The following NAT9 variants were observed in gnomAD, a reference collection of about 807,000 sequenced individuals.
NAT9 encodes the protein N-acetyltransferase 9, also known as alpha/beta-tubulin-N-acetyltransferase 9.
NAT9 carries 18 observed loss-of-function variants against 24.0 expected under a neutral mutation model. The observed-to-expected ratio is 0.75, with a 90% CI of 0.52 to 1.11. NAT9 has a LOEUF of 1.11. NAT9 is among the 50% of genes most tolerant of loss of function. The pLI is 0.00. For synonymous variants in NAT9, 104 were observed against 102.3 expected (o/e 1.02, Z -0.10); for missense variants, 254 against 258.6 (o/e 0.98, Z 0.12).
Position 74,772,215 on chromosome 17 carries a change from T to TA in NAT9, c.394+2dup. 2 of 1,614,218 alleles carry TA rather than the reference T, an allele frequency of 1.2e-6. No individual in the cohort carries two copies. The highest frequency in any genetic ancestry group is 2.2e-5 in the East Asian group (1 of 44,890). On this transcript the variant is annotated splice_region_variant and intron_variant, in intron 5 of 6. Transcript: ENST00000357814. ...CCCGCATTGTCTGCTCACACTTTCTTACCGTAAGACAGCATCGCGAGAACG... is the reference window on the plus strand; with the variant it reads ...CCCGCATTGTCTGCTCACACTTTCTTAACCGTAAGACAGCATCGCGAGAACG...
intron 3 of NAT9, 136 bp downstream of exon 3, chr17:74,773,440 C>T: frequency 1.4e-6 from 1 of 728,614 alleles, no homozygotes; most frequent in Non-Finnish European, 2.3e-6. Flanking sequence ...CATGAGAATA[C>T]AGGAGTTCCA....
intron 3 of NAT9, 185 bp from the exon 4 acceptor site, chr17:74,773,224 T>C: frequency 1.3e-6 from 1 of 748,658 alleles, no homozygotes; most frequent in Non-Finnish European, 2.1e-6. Flanking sequence ...AGAAAAAGCC[T>C]CTCCAACCAG....
intron 4 of NAT9, chr17:74,772,531 G>A: frequency 7.1e-7 from 1 of 1,411,418 alleles, no homozygotes; most frequent in Non-Finnish European, 9.2e-7. Context: ...TAGCCACTTG[G>A]GGGAAACTGA....
At chr17:74,774,049 C>T (rs569096970) in intron 2 of NAT9, 2 of 215,248 alleles carry the variant, frequency 9.3e-6, no homozygotes, top group African/African-American at 2.2e-5. Flanking sequence ...AACCCTCAAA[C>T]GGAAAACTAC....
chr17:74,773,892 T>C (rs2035588526), intron 2 of NAT9: 3 of 535,880 alleles, frequency 5.6e-6, no homozygotes, highest in Non-Finnish European at 1.0e-5. Flanking sequence ...GAGTCAGTTC[T>C]ATCTGTCCAA....
rs970765512 is a variant in NAT9, at chr17:74,771,848, C to A, written c.500G>T (p.Ser167Ile). The change falls in exon 7 of 7, where the codon AGC becomes ATC. Residue 167 changes from serine to isoleucine, a missense_variant. Transcript: ENST00000357814. ...QKLHFEQVAT[S>I]SVFQEVTLRL... is the part of the protein sequence containing the mutation. ...GAGGGTCACCTCCTGAAAAACACTGCTCGTAGCCACCTACGTGAGCCAGAG... is the reference window on the plus strand; with the variant it reads ...GAGGGTCACCTCCTGAAAAACACTGATCGTAGCCACCTACGTGAGCCAGAG... The A allele has an allele frequency of 6.2e-7, 1 of 1,614,238 alleles. No homozygotes were observed. Among genetic ancestry groups the A allele is most frequent in the Non-Finnish European group, 8.5e-7 (1 of 1,180,034 alleles).
In NAT9 at chr17:74,772,938, G is replaced by A; in HGVS notation, c.292C>T (p.Leu98=). The A allele has an allele frequency of 6.2e-7, 1 of 1,614,190 alleles. No homozygotes were observed. Among genetic ancestry groups the A allele is most frequent in the Non-Finnish European group, 8.5e-7 (1 of 1,180,032 alleles). ...VGDVNLFLTD[L]EDLTLGEIEV... The stretch of plus-strand genomic sequence containing the variant: ...ATCTCCCCCAAGGTGAGGTCTTCTA[G>A]ATCTGTGAGGAAGAGGTTCACATCT... The change falls in exon 4 of 7, where the codon CTA becomes TTA. Residue 98 remains leucine, a synonymous_variant. Coordinates refer to ENST00000357814, the MANE Select transcript of NAT9 (RefSeq NM_015654.5).
At position 74,770,986 on chromosome 17, in the gene NAT9, TGAC is replaced by T. The variant is rs2035147595; in HGVS notation, c.*735_*737del. The T allele has an allele frequency of 1.3e-5, 2 of 152,532 alleles. No homozygotes were observed. Among genetic ancestry groups the T allele is most frequent in the African/African-American group, 4.8e-5 (2 of 41,572 alleles). 9.4% of individuals were successfully genotyped at this position (152,532 alleles called of 1,614,324 possible). On this transcript the variant is annotated 3_prime_UTR_variant, in exon 7 of 7. Coordinates refer to ENST00000357814, the MANE Select transcript of NAT9 (RefSeq NM_015654.5). ...CACCAGAGGGACAGAGCTGATGGCC[TGAC>T]GCTCTCTTCAGGAGGGCACCCCCAA... is the stretch of plus-strand genomic sequence containing the variant.
intron 2 of NAT9, chr17:74,773,893 A>G: frequency 3.7e-6 from 2 of 534,688 alleles, no homozygotes; most frequent in African/African-American, 3.8e-5. Context: ...AGTCAGTTCT[A>G]TCTGTCCAAT....
At chr17:74,772,619 C>A in intron 4 of NAT9, 2 of 1,337,012 alleles carry the variant, frequency 1.5e-6, no homozygotes, top group South Asian at 1.7e-5. Flanking sequence ...TTCTGAGGGT[C>A]CCCAGCCCAC....
At chr17:74,773,332 G>A in intron 3 of NAT9, 1 of 591,580 alleles carries the variant, frequency 1.7e-6, no homozygotes, top group South Asian at 2.1e-5. Flanking sequence ...TTTACAGCCA[G>A]AGCCCCAAAT....
In NAT9 at chr17:74,771,625, C is replaced by T; in HGVS notation, c.*99G>A. ...AGGGCCTCGAAAGGTGATTCCCAGC[C>T]TGGGCCAGGAGCACTCTCCCAGTGC... On this transcript the variant is annotated 3_prime_UTR_variant, in exon 7 of 7. Transcript: ENST00000357814. The T allele has an allele frequency of 6.5e-7, 1 of 1,541,116 alleles. No homozygotes were observed. Among genetic ancestry groups the T allele is most frequent in the Non-Finnish European group, 8.8e-7 (1 of 1,142,004 alleles).
intron 5 of NAT9, 35 bp from the exon 6 acceptor site, chr17:74,772,089 G>A (rs2035285270): frequency 3.1e-6 from 5 of 1,614,000 alleles, no homozygotes; most frequent in African/African-American, 1.3e-5. Flanking sequence ...CAAGTAAGGA[G>A]GCGCCTGCCC....
In NAT9 at chr17:74,773,633, G is replaced by A; in HGVS notation, c.133C>T (p.Pro45Ser). 6.2e-7 allele frequency: 1 copy of A among 1,614,144 alleles called. No homozygotes were observed. Among genetic ancestry groups the A allele is most frequent in the Non-Finnish European group, 8.5e-7 (1 of 1,180,016 alleles). The change falls in exon 3 of 7, where the codon CCG (proline) becomes TCG (serine). Residue 45 changes from proline (P) to serine (S), a missense_variant. Physicochemically the swap from Pro to Ser is moderately conservative, Grantham distance 74. Coordinates refer to ENST00000357814, the MANE Select transcript of NAT9 (RefSeq NM_015654.5). The stretch of plus-strand genomic sequence containing the variant: ...GCATACTCCTGCTCCAGGGTCAGCG[G>A]CTCCGAGGCTGTCAAACGCTGCAGC... ...EELQRLTASE[P>S]LTLEQEYAMQ...
intron 2 of NAT9, chr17:74,775,391 G>C (rs915657701): frequency 4.7e-6 from 2 of 425,744 alleles, no homozygotes; most frequent in Admixed American, 3.9e-5. Context: ...GTCTCGCTAC[G>C]TTACCCAAGC....
intron 4 of NAT9, 43 bp from the exon 5 acceptor site, chr17:74,772,320 C>G (rs777030226): frequency 1.2e-6 from 2 of 1,608,926 alleles, no homozygotes; most frequent in Non-Finnish European, 1.7e-6. Flanking sequence ...GTGTGCCAGG[C>G]TCCAGTGCGG....
chr17:74,772,719 G>C (rs1446202851), intron 4 of NAT9, 177 bp downstream of exon 4: 1 of 1,148,480 alleles, frequency 8.7e-7, no homozygotes, highest in Non-Finnish European at 1.2e-6. Flanking sequence ...ATGAGGCTGA[G>C]GGTGTACCAC....
intron 2 of NAT9, chr17:74,775,266 C>A: frequency 5.3e-6 from 1 of 188,490 alleles, no homozygotes. Flanking sequence ...CAGCTCACAG[C>A]AGTCTTCATC....
intron 2 of NAT9, chr17:74,774,158 T>C (rs9892802): frequency 0.12 from 19,572 of 162,720 alleles, 1,555 homozygotes; most frequent in African/African-American, 0.23. Context: ...CCTGGCCTTT[T>C]GAATGGTAGA....
Sources: allele counts gnomAD v4.1 joint callset, GRCh38; gene constraint gnomAD v4.1.1; transcripts MANE v1.5; gene names NCBI Gene and HGNC (gene_info 2026-07-23, HGNC 2026-07-21).